The following JADE3 variants were observed in gnomAD, a reference collection of about 807,000 sequenced individuals.
The protein encoded by JADE3 is jade family PHD finger 3, also known as protein Jade-3.
A neutral mutation model predicts 50.1 loss-of-function variants in JADE3; 2 were observed. The ratio of observed to expected loss-of-function variants is 0.04; its 90% CI spans 0.02 to 0.13. The LOEUF (loss-of-function observed/expected upper bound fraction) is 0.13. Ranked by LOEUF, JADE3 falls within the 10% of genes least tolerant of loss-of-function variation. The pLI is 1.00. For missense variants in JADE3, 475 were observed against 634.4 expected (o/e 0.75, Z 2.70); for synonymous variants, 218 against 232.9 (o/e 0.94, Z 0.58).
chrX:46,999,434 CATATAT>C (rs56687519), intron 4 of JADE3, among the ~76,000 whole-genome samples: 1 of 65,920 alleles, frequency 1.5e-5, no homozygotes, highest in Non-Finnish European at 2.6e-5. Flanking sequence ...ACATATATAA[CATATAT>C]ATATATATAT....
chrX:47,049,181 CTTTTTT>C (rs376747614), intron 8 of JADE3, among the ~76,000 whole-genome samples: 1 of 77,561 alleles, frequency 1.3e-5, no homozygotes, highest in African/African-American at 5.2e-5. Flanking sequence ...CTTTCTTCTT[CTTTTTT>C]TTTTTTTTTT....
chrX:46,989,313 A>T (rs1162720307), intron 3 of JADE3, among the ~76,000 whole-genome samples: 1 of 111,880 alleles, frequency 8.9e-6, no homozygotes, highest in Non-Finnish European at 1.9e-5. Flanking sequence ...TTTATTTCTG[A>T]TGTTCCCATT....
chrX:47,056,554 A>G (rs1929635965), intron 10 of JADE3, among the ~76,000 whole-genome samples: 2 of 112,290 alleles, frequency 1.8e-5, no homozygotes, highest in Non-Finnish European at 3.8e-5. Flanking sequence ...ACTTAATTCT[A>G]GGGTTACTCA....
chrX:46,929,992 G>A (rs1926456513), intron 1 of JADE3, among the ~76,000 whole-genome samples: 1 of 112,010 alleles, frequency 8.9e-6, no homozygotes, highest in African/African-American at 3.2e-5. Context: ...GTACTTACTG[G>A]CTACAATGTC....
At chrX:46,991,738 A>G (rs1251077847) in intron 3 of JADE3, among the ~76,000 whole-genome samples, 13 of 111,723 alleles carry the variant, frequency 1.2e-4, no homozygotes, top group African/African-American at 3.9e-4. Context: ...AAATTCTTCT[A>G]GTGACACTGT....
chrX:47,042,340 T>C (rs782299450), intron 8 of JADE3, among the ~76,000 whole-genome samples: 38 of 112,048 alleles, frequency 3.4e-4, no homozygotes, highest in African/African-American at 9.4e-4. Context: ...GTTATTTATC[T>C]ATGAGTTTTA....
chrX:46,998,250 C>T lies in JADE3; in HGVS notation c.257C>T (p.Pro86Leu). 1 of 1,208,848 alleles carries T rather than the reference C, an allele frequency of 8.3e-7. No individual in the cohort carries two copies. ...WEKGVQVPAS[P>L]DTVPQPSLRI... ...AAGGGAGTCCAGGTACCAGCCAGTC[C>T]AGACACCGTTCCACAGCCTTCTCTC... Residue 86 changes from proline to leucine, a missense_variant, in exon 4 of 11, where the codon CCA (proline) becomes CTA (leucine). By Grantham distance (98) the Pro-to-Leu change is moderately conservative. This residue lies in a region of JADE3 where 54 missense variants were observed against 51.8 expected (regional missense o/e 1.04). Coordinates refer to ENST00000614628, the MANE Select transcript of JADE3 (RefSeq NM_014735.5).
chrX:46,928,723 A>G (rs1926426648), intron 1 of JADE3, among the ~76,000 whole-genome samples: 1 of 111,606 alleles, frequency 9.0e-6, no homozygotes, highest in South Asian at 3.8e-4. Context: ...AGCTAGGACT[A>G]CAGGTGCACA....
intron 8 of JADE3, among the ~76,000 whole-genome samples, chrX:47,044,178 A>T (rs1211191719): frequency 2.7e-5 from 3 of 111,845 alleles, no homozygotes; most frequent in African/African-American, 9.7e-5. Flanking sequence ...GTACAAGAAG[A>T]TTATAAAACA....
chrX:46,980,787 T>A (rs1321243954), intron 1 of JADE3, among the ~76,000 whole-genome samples: 1 of 111,708 alleles, frequency 9.0e-6, no homozygotes, highest in Non-Finnish European at 1.9e-5. Flanking sequence ...TATTAGGTTG[T>A]GGTAGGCAGA....
intron 1 of JADE3, among the ~76,000 whole-genome samples, chrX:46,968,089 CTGTT>C (rs1372389162): frequency 2.7e-5 from 3 of 112,044 alleles, no homozygotes; most frequent in East Asian, 2.8e-4. Context: ...GTTTCTTAGC[CTGTT>C]TGTTTCCTCA....
chrX:47,002,506 G>A (rs1169066107), intron 4 of JADE3, among the ~76,000 whole-genome samples: 1 of 110,459 alleles, frequency 9.1e-6, no homozygotes, highest in Non-Finnish European at 1.9e-5. Flanking sequence ...TACACATTTT[G>A]CTAAATTTAT....
At chrX:47,040,796 G>A (rs1929239414) in intron 8 of JADE3, among the ~76,000 whole-genome samples, 1 of 110,774 alleles carries the variant, frequency 9.0e-6, no homozygotes, top group Non-Finnish European at 1.9e-5. Flanking sequence ...TATTTTCCAG[G>A]CTTATCGTGT....
At chrX:47,021,077 A>T (rs1284229181) in intron 4 of JADE3, among the ~76,000 whole-genome samples, 2 of 109,708 alleles carry the variant, frequency 1.8e-5, no homozygotes, top group African/African-American at 6.6e-5. Context: ...CATGCCACTG[A>T]GAACTACCTA....
intron 9 of JADE3, among the ~76,000 whole-genome samples, chrX:47,055,482 T>C (rs1248646362): frequency 8.9e-6 from 1 of 112,255 alleles, no homozygotes; most frequent in Non-Finnish European, 1.9e-5. Context: ...TATTAATTCA[T>C]TTAATTCTAA....
At chrX:47,012,336 CT>C (rs782124248) in intron 4 of JADE3, among the ~76,000 whole-genome samples, 5 of 111,358 alleles carry the variant, frequency 4.5e-5, no homozygotes, top group Non-Finnish European at 9.4e-5. Context: ...AATCCCAACA[CT>C]TTGGGAGGCT....
chrX:46,996,184 G>A (rs1556357337), intron 3 of JADE3, among the ~76,000 whole-genome samples: 1 of 111,860 alleles, frequency 8.9e-6, no homozygotes, highest in African/African-American at 3.3e-5. Flanking sequence ...CTACAGGCAT[G>A]CACCGCCACA....
chrX:46,937,824 T>C (rs1300842916), intron 1 of JADE3, among the ~76,000 whole-genome samples: 1 of 110,614 alleles, frequency 9.0e-6, no homozygotes, highest in Non-Finnish European at 1.9e-5. Flanking sequence ...CTATTAAAAA[T>C]ACAAAAAGTA....
At chrX:46,922,736 G>A (rs180672711) in intron 1 of JADE3, among the ~76,000 whole-genome samples, 4 of 109,565 alleles carry the variant, frequency 3.7e-5, no homozygotes, top group Non-Finnish European at 7.6e-5. Flanking sequence ...GTCTGGTCTT[G>A]CATATTGTCT....
Sources: gnomAD v4.1 joint callset for allele counts (sites outside exome capture counted in the v4.1 genomes callset) on GRCh38, gnomAD v4.1.1 for gene constraint, gnomAD v4.1.1 regional missense constraint, MANE v1.5 for transcripts, NCBI Gene and HGNC (gene_info 2026-07-23, HGNC 2026-07-21) for gene names.